SLC20A2: variants seen among roughly 807,000 people sequenced by gnomAD.
SLC20A2 encodes sodium-dependent phosphate transporter 2.
Under a neutral mutation model 61.0 loss-of-function variants are expected in SLC20A2, and 30 were observed. The observed-to-expected ratio is 0.49, with a 90% CI of 0.37 to 0.67. The LOEUF is 0.67. Ranked by LOEUF, SLC20A2 falls within the 30% of genes least tolerant of loss-of-function variation. The probability of loss-of-function intolerance (pLI) is 0.00; values close to 1 mark genes in which losing one functional copy is unlikely to be tolerated. For synonymous variants in SLC20A2, 351 were observed against 353.3 expected, an observed-to-expected ratio of 0.99 and a Z score of 0.07; for missense variants, 626 against 866.4, an observed-to-expected ratio of 0.72 and a Z score of 3.48.
At chr8:42,508,653 A>G (rs752850738) in intron 1 of SLC20A2, among the ~76,000 whole-genome samples, 25 of 152,044 alleles carry the variant, frequency 1.6e-4, no homozygotes, top group Non-Finnish European at 2.8e-4. Flanking sequence ...GGCCTCCCAA[A>G]GTGCTGGGAT....
intron 1 of SLC20A2, among the ~76,000 whole-genome samples, chr8:42,486,347 T>C (rs1809010881): frequency 6.6e-6 from 1 of 151,974 alleles, no homozygotes; most frequent in South Asian, 2.1e-4. Flanking sequence ...GAACTACAGG[T>C]GTGCGACACT....
chr8:42,463,324 C>T, intron 3 of SLC20A2: 1 of 346,090 alleles, frequency 2.9e-6, no homozygotes, highest in Admixed American at 4.8e-5. Context: ...ACCACACTGC[C>T]AATGCAGGGT....
intron 1 of SLC20A2, among the ~76,000 whole-genome samples, chr8:42,489,601 T>C (rs907141790): frequency 2.6e-5 from 4 of 152,182 alleles, no homozygotes; most frequent in African/African-American, 9.7e-5. Flanking sequence ...GGGTACTTGG[T>C]TGAACTATTA....
At chr8:42,444,838 A>G (rs1006351996) in intron 5 of SLC20A2, 76 bp from the exon 6 acceptor site, 46 of 975,258 alleles carry the variant, frequency 4.7e-5, no homozygotes, top group Non-Finnish European at 7.1e-5. Flanking sequence ...TGGACTTCCC[A>G]CTCCCCAAAT....
upstream of SLC20A2, chr8:42,501,277 G>A (rs1029843641): frequency 1.3e-5 from 2 of 152,198 alleles, no homozygotes; most frequent in Non-Finnish European, 2.9e-5. Flanking sequence ...GACAACATCG[G>A]TGTCCTCTTA....
intron 1 of SLC20A2, among the ~76,000 whole-genome samples, chr8:42,522,380 G>A (rs1811644835): frequency 1.6e-5 from 2 of 121,698 alleles, no homozygotes; most frequent in African/African-American, 5.1e-5. Context: ...AGCAAAAAGG[G>A]TTAAGAAAAA....
At chr8:42,522,048 T>G (rs1431231928) in intron 1 of SLC20A2, among the ~76,000 whole-genome samples, 1 of 121,122 alleles carries the variant, frequency 8.3e-6, no homozygotes, top group African/African-American at 2.5e-5. Context: ...TTTTAAAAGT[T>G]TGTGAAGAGG....
rs570086742 is a variant in SLC20A2 at position 42,524,356 on chromosome 8, G to A, written c.-265+17465C>T. The stretch of plus-strand genomic sequence containing the variant: ...AATAACATGGTGGTGGGGGGAGTGG[G>A]TAGAAGTTTTAACACGATTGGCCAC... On this transcript the variant is annotated intron_variant, in intron 1 of 10. Transcript: ENST00000342228. 2.6e-5 allele frequency among the ~76,000 whole-genome samples: 4 copies of A among 152,204 alleles called. No individual in the cohort carries two copies. The South Asian group carries it at 8.3e-4, about 32-fold the overall frequency.
Position 42,531,381 on chromosome 8 carries a change from C to T in SLC20A2, c.-265+10440G>A, listed in dbSNP as rs988645862. 1.2e-4 allele frequency among the ~76,000 whole-genome samples: 18 copies of T among 152,160 alleles called. 1 individual carries two copies. Among genetic ancestry groups the T allele is most frequent in the Admixed American group, 8.5e-4 (13 of 15,272 alleles). ...GGCTCAGCAGAAAGAATCTTCAATACAATCAACCCCTCTTTGTAGGGCTGT... is the reference window on the plus strand; with the variant it reads ...GGCTCAGCAGAAAGAATCTTCAATATAATCAACCCCTCTTTGTAGGGCTGT... On this transcript the variant is annotated intron_variant, in intron 1 of 10. Transcript: ENST00000342228.
chr8:42,489,437 C>A (rs191477362), intron 1 of SLC20A2, among the ~76,000 whole-genome samples: 7 of 150,990 alleles, frequency 4.6e-5, no homozygotes, highest in Admixed American at 3.3e-4. Flanking sequence ...TCTGCCCCCC[C>A]CACCCCGCCC....
intron 10 of SLC20A2, among the ~76,000 whole-genome samples, chr8:42,418,479 C>A (rs925579684): frequency 1.3e-5 from 2 of 152,074 alleles, no homozygotes; most frequent in African/African-American, 4.8e-5. Context: ...CTATGTCTCC[C>A]AGGTTCAAGC....
At chr8:42,517,481 T>C (rs757722151) in intron 1 of SLC20A2, among the ~76,000 whole-genome samples, 11 of 152,166 alleles carry the variant, frequency 7.2e-5, no homozygotes, top group Non-Finnish European at 1.6e-4. Flanking sequence ...ATTCTCTAAT[T>C]GACAATATAT....
intron 4 of SLC20A2, 170 bp from the exon 5 acceptor site, chr8:42,460,162 T>C (rs1221179112): frequency 1.9e-6 from 1 of 528,748 alleles, no homozygotes. Flanking sequence ...TCTGCAGAAA[T>C]GGCATTGGCT....
At position 42,416,608 on chromosome 8, in the gene SLC20A2, T is replaced by C. The variant is rs761554447; in HGVS notation, c.*1195A>G. ...TAGTTTCAGGCTCCAACATTAGTCG[T>C]ACTTCCTCCCTCCCGCTATCAAAAA... is the stretch of plus-strand genomic sequence containing the variant. On this transcript the variant is annotated 3_prime_UTR_variant, in exon 11 of 11. Transcript: ENST00000520262. The C allele has an allele frequency of 6.6e-6, 1 of 152,614 alleles. No homozygotes were observed. The highest frequency in any genetic ancestry group is 6.5e-5 in the Admixed American group (1 of 15,278). 9.5% of individuals were successfully genotyped at this position (152,614 alleles called of 1,614,324 possible).
At chr8:42,493,287 T>A (rs557623692) in intron 1 of SLC20A2, among the ~76,000 whole-genome samples, 19 of 152,210 alleles carry the variant, frequency 1.2e-4, no homozygotes, top group Non-Finnish European at 2.4e-4. Flanking sequence ...CATGAGGACA[T>A]CCTGGCAGCG....
intron 1 of SLC20A2, among the ~76,000 whole-genome samples, chr8:42,497,514 C>G (rs917275110): frequency 6.6e-6 from 1 of 152,140 alleles, no homozygotes; most frequent in Non-Finnish European, 1.5e-5. Flanking sequence ...CACCTCTGTT[C>G]CAGCCCAACC....
chr8:42,518,813 T>C (rs1811472885), intron 1 of SLC20A2, among the ~76,000 whole-genome samples: 1 of 152,202 alleles, frequency 6.6e-6, no homozygotes, highest in African/African-American at 2.4e-5. Context: ...GAAGCCCACT[T>C]TCCTTTTTGA....
rs1810206980 is a variant in SLC20A2 at position 42,499,830 on chromosome 8, C to T, written c.-265+1201G>A. ...TTATCATTATAATTCATCTGGGCAG[C>T]AAATTTCTCTTCAGCTCAATAAAAA... On this transcript the variant is annotated intron_variant, in intron 1 of 10. Transcript: ENST00000520262. Among the ~76,000 whole-genome samples, 3 of 152,200 alleles carry T rather than the reference C, an allele frequency of 2.0e-5. No individual in the cohort carries two copies. In the South Asian group the frequency reaches 6.2e-4, roughly 31 times the overall value.
chr8:42,501,610 T>G (rs573422650), upstream of SLC20A2: 7 of 152,352 alleles, frequency 4.6e-5, no homozygotes, highest in South Asian at 1.4e-3. Flanking sequence ...AGAATATACA[T>G]ATCAGTAAGT....
Sources: allele counts gnomAD v4.1 joint callset (sites outside exome capture counted in the v4.1 genomes callset), GRCh38; gene constraint gnomAD v4.1.1; transcripts MANE v1.5; gene names NCBI Gene and HGNC (gene_info 2026-07-23, HGNC 2026-07-21).